SPATA6: variants seen among roughly 807,000 people sequenced by gnomAD.
SPATA6 encodes the protein spermatogenesis associated 6, also known as spermatogenesis-associated protein 6.
SPATA6 carries 56 observed loss-of-function variants against 65.3 expected under a neutral mutation model. The ratio of observed to expected loss-of-function variants is 0.86; its 90% CI spans 0.69 to 1.07. The LOEUF (loss-of-function observed/expected upper bound fraction) is 1.07, where lower values mean the gene tolerates loss of function less well. SPATA6 is among the 50% of genes least tolerant of loss of function. SPATA6 has a pLI of 0.00. For synonymous variants in SPATA6, 199 were observed against 213.2 expected (o/e 0.93, Z 0.58); for missense variants, 590 against 594.8 (o/e 0.99, Z 0.08).
intron 1 of SPATA6, among the ~76,000 whole-genome samples, chr1:48,455,068 G>C (rs1446268719): frequency 1.3e-5 from 2 of 151,926 alleles, no homozygotes; most frequent in Non-Finnish European, 2.9e-5. Context: ...TTAAAACCAG[G>C]GTCCTCAACA....
chr1:48,261,837 C>T, the SPATA6 span, among the ~76,000 whole-genome samples: 1 of 152,114 alleles, frequency 6.6e-6, no homozygotes, highest in African/African-American at 2.4e-5. Flanking sequence ...GGCAAGACTT[C>T]AGGTGTCATT....
intron 11 of SPATA6, among the ~76,000 whole-genome samples, chr1:48,315,801 AG>A (rs1188407785): frequency 6.6e-6 from 1 of 152,222 alleles, no homozygotes; most frequent in African/African-American, 2.4e-5. Flanking sequence ...CCATCATCTC[AG>A]CCCAAAATCT....
intron 11 of SPATA6, among the ~76,000 whole-genome samples, chr1:48,310,720 A>G (rs1645183742): frequency 6.6e-6 from 1 of 152,194 alleles, no homozygotes; most frequent in Non-Finnish European, 1.5e-5. Flanking sequence ...CTAAACAACA[A>G]TATAAATCAA....
chr1:48,362,439 A>C (rs957794797), intron 9 of SPATA6, among the ~76,000 whole-genome samples: 2 of 152,130 alleles, frequency 1.3e-5, no homozygotes, highest in African/African-American at 4.8e-5. Flanking sequence ...TTTTATCCCC[A>C]AACTAGTCAG....
chr1:48,395,420 AC>A, intron 7 of SPATA6, 66 bp from the exon 8 acceptor site: 2 of 1,138,630 alleles, frequency 1.8e-6, no homozygotes, highest in Non-Finnish European at 2.4e-6. Context: ...ATCTCATGGT[AC>A]CAGAAAAACT....
chr1:48,386,196 G>A (rs748443600), intron 8 of SPATA6, among the ~76,000 whole-genome samples: 1 of 152,050 alleles, frequency 6.6e-6, no homozygotes, highest in Non-Finnish European at 1.5e-5. Context: ...GATACACTTC[G>A]TGAAAATCCC....
At chr1:48,365,724 T>C (rs966589283) in intron 9 of SPATA6, among the ~76,000 whole-genome samples, 2 of 152,156 alleles carry the variant, frequency 1.3e-5, no homozygotes, top group African/African-American at 4.8e-5. Context: ...AGATATACAA[T>C]CATGTCATCT....
At chr1:48,447,868 T>C (rs1557722267) in intron 3 of SPATA6, 1 of 151,702 alleles carries the variant, frequency 6.6e-6, no homozygotes, top group East Asian at 1.9e-4. Flanking sequence ...AAAAATAACA[T>C]CAAAACTCAT....
chr1:48,386,738 C>T (rs921339072), intron 8 of SPATA6, among the ~76,000 whole-genome samples: 4 of 152,212 alleles, frequency 2.6e-5, no homozygotes, highest in Admixed American at 2.0e-4. Context: ...GAAACTAACA[C>T]AAGGAGCTGC....
chr1:48,273,428 G>A, the SPATA6 span, among the ~76,000 whole-genome samples: 2 of 152,052 alleles, frequency 1.3e-5, no homozygotes, highest in Non-Finnish European at 2.9e-5. Context: ...GTACCATGGT[G>A]GTTTACTGGA....
intron 3 of SPATA6, among the ~76,000 whole-genome samples, chr1:48,448,820 A>T (rs1656303387): frequency 1.3e-5 from 2 of 152,312 alleles, no homozygotes; most frequent in African/African-American, 4.8e-5. Context: ...CTTTAGATGA[A>T]ATTTCTAGAA....
chr1:48,266,783 C>A, the SPATA6 span, among the ~76,000 whole-genome samples: 1 of 152,096 alleles, frequency 6.6e-6, no homozygotes, highest in Non-Finnish European at 1.5e-5. Context: ...AGATTATCAA[C>A]AAAAACCTCT....
the SPATA6 span, among the ~76,000 whole-genome samples, chr1:48,278,064 G>A: frequency 4.6e-5 from 7 of 152,166 alleles, no homozygotes; most frequent in Non-Finnish European, 1.0e-4. Context: ...TGATACCCAG[G>A]CAAACAGCGT....
chr1:48,366,056 C>T (rs148088729), intron 9 of SPATA6, among the ~76,000 whole-genome samples: 3,765 of 152,070 alleles, frequency 0.025, 100 homozygotes, highest in African/African-American at 0.067. Flanking sequence ...GATAATCATA[C>T]GGTATTTGTC....
chr1:48,295,194 T>C (rs72887993), downstream of SPATA6, among the ~76,000 whole-genome samples: 3,730 of 152,262 alleles, frequency 0.024, 100 homozygotes, highest in African/African-American at 0.067. Flanking sequence ...TTCTTCAAAA[T>C]GTTGAACATA....
chr1:48,337,374 A>C (rs2148750349), intron 11 of SPATA6, among the ~76,000 whole-genome samples: 1 of 151,902 alleles, frequency 6.6e-6, no homozygotes, highest in Non-Finnish European at 1.5e-5. Flanking sequence ...AATTTCTGTA[A>C]TCTGACAAAG....
intron 11 of SPATA6, among the ~76,000 whole-genome samples, chr1:48,350,080 T>C (rs1457102266): frequency 2.0e-5 from 3 of 151,826 alleles, no homozygotes; most frequent in Non-Finnish European, 4.4e-5. Flanking sequence ...CAGCATGAAA[T>C]GGGAGTTCCT....
chr1:48,379,078 T>C (rs927265181), intron 9 of SPATA6, among the ~76,000 whole-genome samples: 16 of 152,172 alleles, frequency 1.1e-4, no homozygotes, highest in African/African-American at 3.9e-4. Context: ...CCAAGACTGG[T>C]AATTTTTAAA....
chr1:48,277,548 G>A, the SPATA6 span, among the ~76,000 whole-genome samples: 1 of 152,216 alleles, frequency 6.6e-6, no homozygotes, highest in Admixed American at 6.5e-5. Flanking sequence ...GGCTCGGAGG[G>A]TCCTACGCCC....
Sources: gnomAD v4.1 joint callset for allele counts (sites outside exome capture counted in the v4.1 genomes callset) on GRCh38, gnomAD v4.1.1 for gene constraint, MANE v1.5 for transcripts, NCBI Gene and HGNC (gene_info 2026-07-23, HGNC 2026-07-21) for gene names.